TTLL4: variants seen among roughly 807,000 people sequenced by gnomAD.
TTLL4 encodes tubulin tyrosine ligase like 4.
Under a neutral mutation model 122.7 loss-of-function variants are expected in TTLL4, and 85 were observed. The observed-to-expected ratio is 0.69, with a 90% CI of 0.58 to 0.83. TTLL4 has a LOEUF of 0.83. Ranked by LOEUF, TTLL4 falls within the 40% of genes least tolerant of loss-of-function variation. The pLI is 0.00. For missense variants in TTLL4, 1,363 were observed against 1,488.6 expected (o/e 0.92, Z 1.39); for synonymous variants, 553 against 563.0 (o/e 0.98, Z 0.25).
chr2:218,743,586 T>C (rs1942760333), intron 5 of TTLL4, among the ~76,000 whole-genome samples: 1 of 152,254 alleles, frequency 6.6e-6, no homozygotes, highest in South Asian at 2.1e-4. Context: ...TGCTAGGTTG[T>C]ATGGTGGTTA....
At chr2:218,716,885 G>T (rs557537681) in intron 1 of TTLL4, among the ~76,000 whole-genome samples, 1 of 152,124 alleles carries the variant, frequency 6.6e-6, no homozygotes, top group Non-Finnish European at 1.5e-5. Context: ...ATCTAATTTC[G>T]TGCCATCGTC....
At chr2:218,722,065 T>G (rs1417652962) in intron 1 of TTLL4, among the ~76,000 whole-genome samples, 2 of 152,136 alleles carry the variant, frequency 1.3e-5, no homozygotes, top group Non-Finnish European at 2.9e-5. Flanking sequence ...GAGAATCGCT[T>G]GAGCCCAGGA....
Position 218,746,198 on chromosome 2 carries a change from T to G in TTLL4, c.1941T>G (p.Ser647=). 3.7e-6 allele frequency: 6 copies of G among 1,614,040 alleles called. No individual in the cohort carries two copies. The highest frequency in any genetic ancestry group is 5.1e-6 in the Non-Finnish European group (6 of 1,180,018). Reference sequence around the variant, plus strand: ...GCTGCTGGGGTCACCACATGAAGTCTCCTAGTTTCCGATCCATTCGAGAGC... The same window carrying G: ...GCTGCTGGGGTCACCACATGAAGTCGCCTAGTTTCCGATCCATTCGAGAGC... ...WLGCWGHHMK[S]PSFRSIREHQ... Residue 647 remains serine (S), a synonymous_variant, in exon 8 of 20, where the codon TCT becomes TCG. Coordinates refer to ENST00000392102, the MANE Select transcript of TTLL4 (RefSeq NM_014640.5).
intron 1 of TTLL4, among the ~76,000 whole-genome samples, chr2:218,712,272 A>G (rs1941731706): frequency 6.6e-6 from 1 of 152,206 alleles, no homozygotes; most frequent in Admixed American, 6.5e-5. Context: ...TTAGAACTAT[A>G]TCCCTGGAGC....
chr2:218,739,299 G>A, intron 3 of TTLL4, 136 bp downstream of exon 3: 1 of 1,032,638 alleles, frequency 9.7e-7, no homozygotes, highest in Non-Finnish European at 1.4e-6. Context: ...TCACTTCAGG[G>A]CAAGGGTTGG....
intron 7 of TTLL4, 164 bp downstream of exon 7, chr2:218,745,965 CTGT>C (rs1002297877): frequency 1.1e-6 from 1 of 873,950 alleles, no homozygotes; most frequent in Non-Finnish European, 1.9e-6. Context: ...TGGACTGAGC[CTGT>C]TGTTCAGAAT....
rs753976879 is a variant in TTLL4 at position 218,747,350 on chromosome 2, C to T, written c.2227C>T (p.Arg743Ter). The change falls in exon 10 of 20, where the codon CGA becomes TGA. Residue 743 changes from arginine to a stop codon, truncating the protein, a stop_gained. Coordinates refer to ENST00000392102, the MANE Select transcript of TTLL4 (RefSeq NM_014640.5). LOFTEE classifies it high-confidence loss of function. This position sits in a 1 kb window ranked among gnomAD's most constrained non-coding sequence, Gnocchi z 4.7. ...VIHKWSQLPK[R>*]RPLLVQRYLH... Reference sequence around the variant, plus strand: ...TCACAAGTGGAGTCAGCTCCCCAAGCGAAGGCCCCTCCTGGTACAGAGGTG... The same window carrying T: ...TCACAAGTGGAGTCAGCTCCCCAAGTGAAGGCCCCTCCTGGTACAGAGGTG... 13 of 1,614,172 alleles carry T rather than the reference C, an allele frequency of 8.1e-6. No homozygotes were observed. Among genetic ancestry groups the T allele is most frequent in the South Asian group, 1.1e-5 (1 of 91,084 alleles).
At chr2:218,725,507 T>C (rs1388299845) in intron 1 of TTLL4, among the ~76,000 whole-genome samples, 2 of 152,210 alleles carry the variant, frequency 1.3e-5, no homozygotes, top group African/African-American at 4.8e-5. Context: ...ACTTTAACTC[T>C]GTCCTCCATG....
chr2:218,721,949 C>T (rs764239385), intron 1 of TTLL4, among the ~76,000 whole-genome samples: 7 of 151,808 alleles, frequency 4.6e-5, no homozygotes, highest in Non-Finnish European at 8.8e-5. Context: ...CATAGTGAGA[C>T]TCTGTCTCTA....
At chr2:218,752,680 C>G in intron 16 of TTLL4, 83 bp from the exon 17 acceptor site, 1 of 1,478,768 alleles carries the variant, frequency 6.8e-7, no homozygotes, top group Admixed American at 1.7e-5. Flanking sequence ...CAGGGGTGTG[C>G]TCCCTGTTCC....
intron 2 of TTLL4, among the ~76,000 whole-genome samples, chr2:218,729,942 C>T (rs1054918196): frequency 1.3e-5 from 2 of 152,142 alleles, no homozygotes; most frequent in Non-Finnish European, 2.9e-5. Context: ...TAATGTCTCC[C>T]TATATTGCTC....
At chr2:218,711,780 C>T (rs1282065318) in intron 1 of TTLL4, among the ~76,000 whole-genome samples, 2 of 151,630 alleles carry the variant, frequency 1.3e-5, no homozygotes, top group East Asian at 3.8e-4. Context: ...ACATTATTGC[C>T]ATTCCTCCTG....
intron 2 of TTLL4, among the ~76,000 whole-genome samples, chr2:218,731,971 G>A (rs1942393569): frequency 6.6e-6 from 1 of 152,212 alleles, no homozygotes; most frequent in Non-Finnish European, 1.5e-5. Context: ...TAGGGATCCT[G>A]TGTAGGAACA....
In TTLL4 at chr2:218,748,920, CA is replaced by C; in HGVS notation, c.2590del (p.Thr864LeufsTer9). On this transcript the variant is annotated frameshift_variant, in exon 13 of 20. Coordinates refer to ENST00000392102, the MANE Select transcript of TTLL4 (RefSeq NM_014640.5). LOFTEE classifies it high-confidence loss of function. Reference protein sequence around the residue: ...IWEKIKDVVVKTIISSEPYVT... With the variant: ...IWEKIKDVVVXTIISSEPYVT... ...GGGAGAAGATAAAGGATGTTGTTGTCAAAACTATCATCTCGTGAGTCACATT... is the reference window on the plus strand; with the variant it reads ...GGGAGAAGATAAAGGATGTTGTTGTCAAACTATCATCTCGTGAGTCACATT... The C allele has an allele frequency of 6.2e-7, 1 of 1,614,088 alleles. No homozygotes were observed. Among genetic ancestry groups the C allele is most frequent in the Non-Finnish European group, 8.5e-7 (1 of 1,180,020 alleles).
rs909198667 is a variant in TTLL4 at position 218,754,136 on chromosome 2, A to G, written c.3347A>G (p.Lys1116Arg). The G allele has an allele frequency of 2.5e-6, 4 of 1,614,004 alleles. No homozygotes were observed. The highest frequency in any genetic ancestry group is 3.4e-6 in the Non-Finnish European group (4 of 1,180,024). ...FSKSETSKLG[K>R]QSSCEVSLLL... ...CTTTCACCACCTATTCCCTCCAGAA[A>G]ACAAAGCTCCTGTGAGGTTAGCCTA... The change falls in exon 20 of 20, where the codon AAA becomes AGA. Residue 1116 changes from lysine (K) to arginine (R), a missense_variant and splice_region_variant. Physicochemically the swap from Lys to Arg is conservative, Grantham distance 26 (BLOSUM62 2). Around this residue, in one of 3 missense-constraint regions of TTLL4, gnomAD observed 596 missense variants for 655.8 expected, o/e 0.91. Coordinates refer to ENST00000392102, the MANE Select transcript of TTLL4 (RefSeq NM_014640.5).
chr2:218,711,385 AGC>A (rs1440054972), intron 1 of TTLL4, among the ~76,000 whole-genome samples: 2 of 152,136 alleles, frequency 1.3e-5, no homozygotes, highest in Non-Finnish European at 2.9e-5. Context: ...TCTGGGTGTG[AGC>A]CCAAGCTCCT....
Position 218,737,604 on chromosome 2 carries a change from G to C in TTLL4, c.-73G>C. On this transcript the variant is annotated 5_prime_UTR_variant, in exon 3 of 20. Transcript: ENST00000392102. ...ACTGACAGACTTCAAGGATGCAGCTGCTACTACCGGAGGTGTGTGGCACCT... is the reference window on the plus strand; with the variant it reads ...ACTGACAGACTTCAAGGATGCAGCTCCTACTACCGGAGGTGTGTGGCACCT... The C allele has an allele frequency of 2.7e-6, 4 of 1,485,844 alleles. No homozygotes were observed. Among genetic ancestry groups the C allele is most frequent in the Non-Finnish European group, 3.6e-6 (4 of 1,106,740 alleles). 92.0% of individuals were successfully genotyped at this position (1,485,844 alleles called of 1,614,324 possible).
intron 5 of TTLL4, among the ~76,000 whole-genome samples, chr2:218,741,755 T>C (rs962201985): frequency 6.6e-6 from 1 of 152,200 alleles, no homozygotes; most frequent in East Asian, 1.9e-4. Context: ...ATATTTGACA[T>C]GTAATTGATT....
rs200999766 is a variant in TTLL4 at position 218,738,608 on chromosome 2, C to T, written c.932C>T (p.Ala311Val). 8.7e-6 allele frequency: 14 copies of T among 1,614,122 alleles called. No individual in the cohort carries two copies. In the East Asian group the frequency reaches 2.4e-4, roughly 28 times the overall value. Residue 311 changes from alanine (A) to valine (V), a missense_variant, in exon 3 of 20, where the codon GCC becomes GTC. Ala to Val is a moderately conservative substitution (Grantham distance 64). Transcript: ENST00000392102. ...ASSWYNRNNL[A>V]MRAEPLSCAL... ...TCCTGGTATAACCGGAATAACTTAG[C>T]CATGAGGGCAGAGCCACTTTCCTGT...
Sources: gnomAD v4.1 joint callset for allele counts (sites outside exome capture counted in the v4.1 genomes callset) on GRCh38, gnomAD v4.1.1 for gene constraint, gnomAD v4.1.1 regional missense constraint, Gnocchi (gnomAD v3.1) non-coding constraint, MANE v1.5 for transcripts, NCBI Gene and HGNC (gene_info 2026-07-23, HGNC 2026-07-21) for gene names.